Variants in ALPK1 observed in about 807,000 individuals in gnomAD.
ALPK1 encodes the protein alpha kinase 1.
ALPK1 carries 110 observed loss-of-function variants against 120.6 expected under a neutral mutation model. The ratio of observed to expected loss-of-function variants is 0.91; its 90% confidence interval spans 0.78 to 1.07. The LOEUF is 1.07. Among genes scored for constraint, ALPK1 ranks in the 50% least tolerant of loss-of-function variants. ALPK1 has a pLI of 0.00. For missense variants in ALPK1, 1,498 were observed against 1,483.9 expected (o/e 1.01, Z -0.16); for synonymous variants, 582 against 560.3 (o/e 1.04, Z -0.55).
chr4:112,420,874 G>A (rs1292031423), intron 5 of ALPK1, among the ~76,000 whole-genome samples: 7 of 151,916 alleles, frequency 4.6e-5, no homozygotes, highest in Admixed American at 3.9e-4. Context: ...ACTCTGTCAC[G>A]CAGGCTGGAG....
Position 112,431,730 on chromosome 4 carries a change from G to A in ALPK1, c.2183G>A (p.Arg728Lys), listed in dbSNP as rs1349285356. 11 of 1,614,044 alleles carry A rather than the reference G, an allele frequency of 6.8e-6. No individual in the cohort carries two copies. The highest frequency in any genetic ancestry group is 3.3e-5 in the South Asian group (3 of 91,086). ...GCTTCTTGGTCTTCTGATTCTGGTAGGCCCAAGAATATGGGCACACATCCT... is the reference window on the plus strand; with the variant it reads ...GCTTCTTGGTCTTCTGATTCTGGTAAGCCCAAGAATATGGGCACACATCCT... Reference protein sequence around the residue: ...RSASWSSDSGRPKNMGTHPSV... With the variant: ...RSASWSSDSGKPKNMGTHPSV... Residue 728 changes from arginine (R) to lysine (K), a missense_variant, in exon 11 of 16, where the codon AGG becomes AAG. Coordinates refer to ENST00000650871, the MANE Select transcript of ALPK1 (RefSeq NM_025144.4).
At chr4:112,371,964 T>C (rs1370122594) in intron 2 of ALPK1, among the ~76,000 whole-genome samples, 2 of 152,192 alleles carry the variant, frequency 1.3e-5, no homozygotes, top group African/African-American at 4.8e-5. Flanking sequence ...TCCAACCAAT[T>C]CCTTCAAAAA....
At chr4:112,440,893 C>T in intron 14 of ALPK1, 24 bp from the exon 15 acceptor site, 1 of 1,590,888 alleles carries the variant, frequency 6.3e-7, no homozygotes, top group African/African-American at 1.4e-5. Context: ...ATTTAATACT[C>T]AGGTGTGTTC....
At chr4:112,359,253 G>A in intron 2 of ALPK1, 1 of 541,734 alleles carries the variant, frequency 1.8e-6, no homozygotes, top group East Asian at 3.9e-5. Context: ...AGGGAAGCAG[G>A]GCCAGCATGC....
chr4:112,375,807 C>T (rs1301005348), intron 2 of ALPK1, among the ~76,000 whole-genome samples: 2 of 151,488 alleles, frequency 1.3e-5, no homozygotes, highest in Non-Finnish European at 2.9e-5. Flanking sequence ...TATCTTTTGG[C>T]CTATCTTGAC....
chr4:112,383,887 G>A (rs1732036142), intron 4 of ALPK1: 1 of 152,158 alleles, frequency 6.6e-6, no homozygotes, highest in South Asian at 2.1e-4. Flanking sequence ...AGCAAGCTCA[G>A]AACCCTTACA....
intron 4 of ALPK1, among the ~76,000 whole-genome samples, chr4:112,407,715 A>G (rs1175328907): frequency 6.6e-6 from 1 of 152,232 alleles, no homozygotes; most frequent in Non-Finnish European, 1.5e-5. Flanking sequence ...CCCTGTGAGG[A>G]AAGAGTGGGG....
chr4:112,427,712 G>A (rs760351476), intron 9 of ALPK1, 47 bp downstream of exon 9: 16 of 1,378,046 alleles, frequency 1.2e-5, no homozygotes, highest in South Asian at 3.5e-5. Flanking sequence ...ATTGTCAATC[G>A]TGTCCTTGGT....
intron 5 of ALPK1, among the ~76,000 whole-genome samples, chr4:112,417,283 AGAT>A (rs1733785990): frequency 6.6e-6 from 1 of 152,248 alleles, no homozygotes; most frequent in Non-Finnish European, 1.5e-5. Flanking sequence ...GAGTAAAAAA[AGAT>A]GATGACTAAA....
chr4:112,312,258 CA>C (rs1171003763), intron 1 of ALPK1, among the ~76,000 whole-genome samples: 2 of 151,792 alleles, frequency 1.3e-5, no homozygotes, highest in Non-Finnish European at 2.9e-5. Context: ...TCTAATGATA[CA>C]ATGTTTTAAA....
At chr4:112,386,278 G>A (rs1732146715) in intron 4 of ALPK1, among the ~76,000 whole-genome samples, 1 of 151,984 alleles carries the variant, frequency 6.6e-6, no homozygotes, top group South Asian at 2.1e-4. Context: ...TTATGGCAGG[G>A]GCCAACCTCC....
intron 4 of ALPK1, among the ~76,000 whole-genome samples, chr4:112,388,226 G>C (rs924240745): frequency 2.0e-5 from 3 of 152,080 alleles, no homozygotes; most frequent in African/African-American, 7.2e-5. Context: ...TGTTAGAGGG[G>C]TGAGATTTAA....
intron 2 of ALPK1, among the ~76,000 whole-genome samples, chr4:112,368,172 C>T (rs947346134): frequency 6.6e-6 from 1 of 152,258 alleles, no homozygotes; most frequent in Admixed American, 6.5e-5. Context: ...CCCACCTCCA[C>T]CTCCCAAAGT....
At chr4:112,423,682 G>A (rs1734102350) in intron 5 of ALPK1, 1 of 588,566 alleles carries the variant, frequency 1.7e-6, no homozygotes, top group African/African-American at 1.8e-5. Context: ...CCTGCTCTAT[G>A]TGAATGAATT....
chr4:112,402,738 C>A (rs193276435), intron 4 of ALPK1, among the ~76,000 whole-genome samples: 1 of 152,134 alleles, frequency 6.6e-6, no homozygotes, highest in Admixed American at 6.6e-5. Flanking sequence ...AGGAAAAATA[C>A]AATTTGGTTG....
At chr4:112,336,800 T>C (rs77056030) in intron 2 of ALPK1, among the ~76,000 whole-genome samples, 2,070 of 152,274 alleles carry the variant, frequency 0.014, 57 homozygotes, top group African/African-American at 0.047. Context: ...AGCTATATAA[T>C]CTAAATATCC....
chr4:112,364,242 T>TATTGTATATAAATTAA (rs1731040131), intron 2 of ALPK1, among the ~76,000 whole-genome samples: 1 of 150,988 alleles, frequency 6.6e-6, no homozygotes, highest in African/African-American at 2.4e-5. Flanking sequence ...TAAATATATA[T>TATTGTATATAAATTAA]ATTTATATAC....
chr4:112,316,765 ATCT>A (rs1479800342), intron 2 of ALPK1, among the ~76,000 whole-genome samples: 2 of 150,694 alleles, frequency 1.3e-5, no homozygotes, highest in African/African-American at 4.9e-5. Context: ...CCATTTGTAT[ATCT>A]TCTTTGGAGA....
chr4:112,428,827 T>C (rs972136425), intron 9 of ALPK1, among the ~76,000 whole-genome samples: 7 of 152,178 alleles, frequency 4.6e-5, no homozygotes, highest in Admixed American at 3.9e-4. Context: ...AAATCATCAA[T>C]TAAAGGGCTC....
Sources: gnomAD v4.1 joint callset for allele counts (sites outside exome capture counted in the v4.1 genomes callset) on GRCh38, gnomAD v4.1.1 for gene constraint, MANE v1.5 for transcripts, NCBI Gene and HGNC (gene_info 2026-07-23, HGNC 2026-07-21) for gene names.